KIF21B: variants seen among roughly 807,000 people sequenced by gnomAD.
The protein encoded by KIF21B is kinesin family member 21B.
In KIF21B, 85 loss-of-function variants were observed where a neutral mutation model predicts 192.9. The observed-to-expected ratio is 0.44, with a 90% confidence interval of 0.37 to 0.53. The LOEUF is 0.53. KIF21B is among the 20% of genes least tolerant of loss of function. The pLI is 0.00. For missense variants in KIF21B, 1,716 were observed against 2,194.8 expected (o/e 0.78, Z 4.36); for synonymous variants, 832 against 884.6 (o/e 0.94, Z 1.05).
Position 200,990,308 on chromosome 1 carries a change from G to A in KIF21B, c.2860C>T (p.Gln954Ter), listed in dbSNP as rs993415497. The A allele has an allele frequency of 1.9e-6, 3 of 1,612,310 alleles. No homozygotes were observed. Among genetic ancestry groups the A allele is most frequent in the Non-Finnish European group, 2.5e-6 (3 of 1,179,446 alleles). ...TCCCGCTTCCTCCGCAGTGCCTCCT[G>A]CAGGAGGAACAGCTCCTCCCTTTTC... ...IKKREELFLL[Q>*]EALRRKRERL... Residue 954 changes from glutamine (Q) to a stop codon, truncating the protein, a stop_gained, in exon 20 of 35, where the codon CAG becomes TAG. Coordinates refer to ENST00000461742, the MANE Select transcript of KIF21B (RefSeq NM_001252102.2). LOFTEE classifies it high-confidence loss of function. This position sits in a 1 kb window ranked among gnomAD's most constrained non-coding sequence, Gnocchi z 5.4.
Position 200,975,615 on chromosome 1 carries a change from C to T in KIF21B, c.4498G>A (p.Glu1500Lys), listed in dbSNP as rs778450016. The change falls in exon 33 of 35, where the codon GAG (glutamate) becomes AAG (lysine). Residue 1500 changes from glutamate (E) to lysine (K), a missense_variant. Physicochemically the swap from Glu to Lys is moderately conservative, Grantham distance 56 (BLOSUM62 1). Around this residue, in one of 3 missense-constraint regions of KIF21B, gnomAD observed 580 missense variants for 775.5 expected, o/e 0.75. Transcript: ENST00000461742. This position sits in a 1 kb window ranked among gnomAD's most constrained non-coding sequence, Gnocchi z 4.3. Reference sequence around the variant, plus strand: ...TCGATGCCATCGTAGTGCGGGGGCTCGAAGTTGTGAGTGGGGCCGATGGTG... The same window carrying T: ...TCGATGCCATCGTAGTGCGGGGGCTTGAAGTTGTGAGTGGGGCCGATGGTG... ...TGTIGPTHNF[E>K]PPHYDGIECL... The T allele has an allele frequency of 4.3e-6, 7 of 1,613,946 alleles. No individual in the cohort carries two copies. The highest frequency in any genetic ancestry group is 5.1e-6 in the Non-Finnish European group (6 of 1,179,866).
rs552991605 is a variant in KIF21B at position 200,974,617 on chromosome 1, C to T, written c.4814+97G>A. The T allele has an allele frequency of 2.0e-4, 256 of 1,301,664 alleles. 1 individual carries two copies. Among genetic ancestry groups the T allele is most frequent in the Non-Finnish European group, 2.4e-4 (223 of 914,288 alleles). The allele number at this position is 1,301,664 out of a possible 1,614,324, so 80.6% of individuals were successfully genotyped here. A position where few individuals can be genotyped will look rare whatever the true frequency, so the allele number is the denominator to read the frequency against. ...GAATCTGCTCTGTGAACCGAGCCTG[C>T]GGGGACAACTGCAGGGCCCTGAGCC... is the stretch of plus-strand genomic sequence containing the variant. On this transcript the variant is annotated intron_variant, in intron 34 of 34. Transcript: ENST00000461742.
chr1:200,973,841 T>C, intron 34 of KIF21B: 1 of 1,439,436 alleles, frequency 6.9e-7, no homozygotes, highest in Non-Finnish European at 9.1e-7. Flanking sequence ...TGTCCAGGCC[T>C]GAAGGCTCCC....
Position 200,975,458 on chromosome 1 carries a change from C to T in KIF21B, c.4614+41G>A, listed in dbSNP as rs755655654. 4.4e-6 allele frequency: 7 copies of T among 1,574,346 alleles called. No individual in the cohort carries two copies. The highest frequency in any genetic ancestry group is 1.7e-5 in the Admixed American group (1 of 58,286). ...GGCCCTGCGTGGGCTATGGAAACCA[C>T]CCTACCCGAGTCTACCCTCTCCCTT... On this transcript the variant is annotated intron_variant, in intron 33 of 34. Transcript: ENST00000461742. This position sits in a 1 kb window ranked among gnomAD's most constrained non-coding sequence, Gnocchi z 4.3.
In KIF21B at chr1:200,999,265, T is replaced by C; in HGVS notation, c.1885+84A>G. ...GAGTGCTGGGGCCTGGACACCATTA[T>C]CTTTGAGCAGGGCCCGACCCCACAC... On this transcript the variant is annotated intron_variant, in intron 13 of 34. Transcript: ENST00000461742. This position sits in a 1 kb window ranked among gnomAD's most constrained non-coding sequence, Gnocchi z 4.7. 1 of 1,543,502 alleles carries C rather than the reference T, an allele frequency of 6.5e-7. No individual in the cohort carries two copies. The highest frequency in any genetic ancestry group is 1.1e-5 in the South Asian group (1 of 89,742).
At chr1:201,004,729 T>G (rs1484378490) in intron 6 of KIF21B, 37 bp downstream of exon 6, 1 of 1,613,282 alleles carries the variant, frequency 6.2e-7, no homozygotes, top group East Asian at 2.2e-5. Context: ...GACTGAGCTG[T>G]GTGGGTGCTG....
intron 1 of KIF21B, among the ~76,000 whole-genome samples, chr1:201,011,131 T>C (rs951817879): frequency 1.3e-5 from 2 of 152,236 alleles, no homozygotes; most frequent in Admixed American, 6.5e-5. Context: ...CCCAACTGAA[T>C]TGGCTTCTGC....
intron 1 of KIF21B, among the ~76,000 whole-genome samples, chr1:201,009,909 G>A (rs781406468): frequency 5.9e-5 from 9 of 152,180 alleles, no homozygotes; most frequent in African/African-American, 1.2e-4. Context: ...ATAAAAGCAC[G>A]TACTCCTGAT....
In KIF21B at chr1:200,973,260, A is replaced by C; in HGVS notation, c.*261T>G. On this transcript the variant is annotated 3_prime_UTR_variant, in exon 35 of 35. Transcript: ENST00000461742. ...TGTGGCCACGACTGCCAGGAGGGGA[A>C]CAAGAAGGGATAATGCCCTTTGGCT... The C allele has an allele frequency of 1.2e-5, 5 of 414,622 alleles. No homozygotes were observed. The highest frequency in any genetic ancestry group is 2.1e-5 in the African/African-American group (1 of 48,394). The allele number at this position is 414,622 out of a possible 1,614,324, so 25.7% of individuals were successfully genotyped here.
chr1:200,998,547 G>A lies in KIF21B; in HGVS notation c.1914C>T (p.Asp638=), dbSNP rs371218173. Residue 638 remains aspartate, a synonymous_variant, in exon 14 of 35, where the codon GAC becomes GAT. Coordinates refer to ENST00000461742, the MANE Select transcript of KIF21B (RefSeq NM_001252102.2). This position sits in a 1 kb window ranked among gnomAD's most constrained non-coding sequence, Gnocchi z 4.3. ...KEVNFQADLA[D]LTCEIEIKQK... is the part of the protein sequence containing the mutation. ...GCTTGATTTCGATCTCACAAGTCAG[G>A]TCGGCCAGGTCCGCCTGGAAGTTCA... The A allele has an allele frequency of 9.9e-6, 16 of 1,613,660 alleles. No individual in the cohort carries two copies. The African/African-American group carries it at 2.1e-4, about 22-fold the overall frequency.
chr1:201,006,783 C>T (rs1352487693), intron 3 of KIF21B, among the ~76,000 whole-genome samples: 2 of 152,018 alleles, frequency 1.3e-5, no homozygotes, highest in Non-Finnish European at 2.9e-5. Flanking sequence ...CAGACACAGA[C>T]ACGAACACAG....
intron 1 of KIF21B, among the ~76,000 whole-genome samples, chr1:201,015,444 G>A (rs1221684995): frequency 6.6e-6 from 1 of 152,244 alleles, no homozygotes; most frequent in South Asian, 2.1e-4. Flanking sequence ...GACCCCTGAT[G>A]CCTTTCTGGA....
chr1:200,992,463 A>C, intron 15 of KIF21B, 74 bp from the exon 16 acceptor site: 2 of 1,471,924 alleles, frequency 1.4e-6, no homozygotes, highest in Non-Finnish European at 1.9e-6. Context: ...GGGAGGGGCC[A>C]GCTCTGAGGG....
In KIF21B at chr1:200,980,987, C is replaced by G. The variant is rs541919266; in HGVS notation, c.3952G>C (p.Asp1318His). 1.2e-6 allele frequency: 2 copies of G among 1,611,630 alleles called. No individual in the cohort carries two copies. The highest frequency in any genetic ancestry group is 1.7e-5 in the Admixed American group (1 of 59,566). ...TTGGACCCTGTGAATAGCAACTCATCTGTGGCATCCAGGCAGAGGATGGGC... is the reference window on the plus strand; with the variant it reads ...TTGGACCCTGTGAATAGCAACTCATGTGTGGCATCCAGGCAGAGGATGGGC... Reference protein sequence around the residue: ...TKPILCLDATDELLFTGSKDR... With the variant: ...TKPILCLDATHELLFTGSKDR... Residue 1318 changes from aspartate to histidine, a missense_variant, in exon 29 of 35, where the codon GAT (aspartate) becomes CAT (histidine). Asp to His is a moderately conservative substitution (Grantham distance 81). Coordinates refer to ENST00000461742, the MANE Select transcript of KIF21B (RefSeq NM_001252102.2).
At chr1:201,009,546 C>A in intron 1 of KIF21B, 58 bp from the exon 2 acceptor site, 1 of 1,512,884 alleles carries the variant, frequency 6.6e-7, no homozygotes. Flanking sequence ...CTGCCACAGG[C>A]CCCTCCCTCA....
Position 200,998,242 on chromosome 1 carries a change from C to G in KIF21B, c.2077+142G>C. The G allele has an allele frequency of 1.3e-6, 1 of 751,190 alleles. No homozygotes were observed. Among genetic ancestry groups the G allele is most frequent in the East Asian group, 2.5e-5 (1 of 40,344 alleles). The allele number at this position is 751,190 out of a possible 1,614,324, so 46.5% of individuals were successfully genotyped here. A position where few individuals can be genotyped will look rare whatever the true frequency, so the allele number is the denominator to read the frequency against. On this transcript the variant is annotated intron_variant, in intron 14 of 34. Transcript: ENST00000461742. This position sits in a 1 kb window ranked among gnomAD's most constrained non-coding sequence, Gnocchi z 4.3. Reference sequence around the variant, plus strand: ...GACGTAAGAACCTTTAACTGTGGGTCAAAGGACCACAGTCAAAGGTTGGGA... The same window carrying G: ...GACGTAAGAACCTTTAACTGTGGGTGAAAGGACCACAGTCAAAGGTTGGGA...
At chr1:200,983,130 G>A (rs1412089723) in intron 27 of KIF21B, 36 bp from the exon 28 acceptor site, 24 of 1,526,268 alleles carry the variant, frequency 1.6e-5, no homozygotes, top group Non-Finnish European at 2.0e-5. Context: ...ATTAGGGGGT[G>A]AGAGGAGACA....
intron 1 of KIF21B, among the ~76,000 whole-genome samples, chr1:201,011,185 C>T (rs1017447495): frequency 5.3e-5 from 8 of 152,262 alleles, no homozygotes; most frequent in African/African-American, 1.7e-4. Flanking sequence ...TCTGGACCTC[C>T]AGACCAGAAA....
At chr1:201,019,225 G>A (rs1322447318) in intron 1 of KIF21B, among the ~76,000 whole-genome samples, 1 of 152,070 alleles carries the variant, frequency 6.6e-6, no homozygotes, top group Non-Finnish European at 1.5e-5. Flanking sequence ...GAGCCACTGC[G>A]CCTGGCCTAG....
Sources: allele counts gnomAD v4.1 joint callset (sites outside exome capture counted in the v4.1 genomes callset), GRCh38; gene constraint gnomAD v4.1.1; regional missense constraint gnomAD v4.1.1; non-coding constraint Gnocchi (gnomAD v3.1); transcripts MANE v1.5; gene names NCBI Gene and HGNC (gene_info 2026-07-23, HGNC 2026-07-21).